ZNF423: variants seen among roughly 807,000 people sequenced by gnomAD.
The protein encoded by ZNF423 is zinc finger protein 423, also known as Ebf-associated zinc finger protein.
ZNF423 carries 12 observed loss-of-function variants against 95.8 expected under a neutral mutation model. The ratio of observed to expected loss-of-function variants is 0.13; its 90% confidence interval spans 0.08 to 0.20. The LOEUF (loss-of-function observed/expected upper bound fraction) is 0.20, where lower values mean the gene tolerates loss of function less well. Among genes scored for constraint, ZNF423 ranks in the 10% least tolerant of loss-of-function variants. ZNF423 has a pLI of 1.00. For synonymous variants in ZNF423, 749 were observed against 711.9 expected (o/e 1.05, Z -0.83); for missense variants, 1,316 against 1,737.1 (o/e 0.76, Z 4.31).
At chr16:49,783,974 A>AT (rs2034267415) in intron 2 of ZNF423, among the ~76,000 whole-genome samples, 1 of 151,800 alleles carries the variant, frequency 6.6e-6, no homozygotes, top group African/African-American at 2.4e-5. Context: ...AACTCAAAAA[A>AT]AAAAAAAAAG....
chr16:49,743,176 C>T (rs945273631), intron 2 of ZNF423, among the ~76,000 whole-genome samples: 5 of 152,196 alleles, frequency 3.3e-5, no homozygotes, highest in Non-Finnish European at 7.3e-5. Flanking sequence ...CGCAGCAGCA[C>T]TTTGCAGAAA....
chr16:49,799,227 G>C (rs1410743528), intron 1 of ZNF423, among the ~76,000 whole-genome samples: 10 of 152,140 alleles, frequency 6.6e-5, no homozygotes, highest in Admixed American at 6.5e-4. Flanking sequence ...GACCAAATGA[G>C]ATGATACCCC....
At chr16:49,627,144 A>C (rs1972314533) in intron 4 of ZNF423, among the ~76,000 whole-genome samples, 1 of 145,228 alleles carries the variant, frequency 6.9e-6, no homozygotes, top group Non-Finnish European at 1.5e-5. Context: ...ATACACACCC[A>C]CCTATCCACC....
At chr16:49,626,068 C>T in intron 5 of ZNF423, 102 bp downstream of exon 5, 1 of 1,142,878 alleles carries the variant, frequency 8.7e-7, no homozygotes, top group Non-Finnish European at 1.3e-6. Flanking sequence ...GCAGCAGTGA[C>T]TCTGTCCTTT....
chr16:49,633,840 C>T (rs1417924320), intron 4 of ZNF423, among the ~76,000 whole-genome samples: 1 of 152,140 alleles, frequency 6.6e-6, no homozygotes, highest in Non-Finnish European at 1.5e-5. Flanking sequence ...CCACTCCAGA[C>T]AGGACTTTGA....
rs1597067934 is a variant in ZNF423 at position 49,856,011 on chromosome 16, G to A, written c.-237C>T. The A allele has an allele frequency of 6.7e-6, 1 of 149,608 alleles. No individual in the cohort carries two copies. Among genetic ancestry groups the A allele is most frequent in the Middle Eastern group, 3.5e-3 (1 of 284 alleles). 9.3% of individuals were successfully genotyped at this position (149,608 alleles called of 1,614,324 possible). A position where few individuals can be genotyped will look rare whatever the true frequency, so the allele number is the denominator to read the frequency against. On this transcript the variant is annotated 5_prime_UTR_variant, in exon 1 of 8. Transcript: ENST00000563137. ...CGGGGGGAGGCCCGGGGGGCGCGCC[G>A]GGGCCCTGCCTGTTGCAATGCGGCA...
Position 49,491,228 on chromosome 16 carries a change from C to T in ZNF423, c.*47G>A, listed in dbSNP as rs1007586630. On this transcript the variant is annotated 3_prime_UTR_variant, in exon 8 of 8. Transcript: ENST00000563137. ...AATGTTCAAATGGCCCTCCCCACGG[C>T]GTCTCCGGCAAGCCTTCTGCGGAGA... 2.5e-6 allele frequency: 4 copies of T among 1,613,014 alleles called. No individual in the cohort carries two copies. The highest frequency in any genetic ancestry group is 2.5e-6 in the Non-Finnish European group (3 of 1,179,122).
intron 5 of ZNF423, among the ~76,000 whole-genome samples, chr16:49,604,007 C>T (rs1166781430): frequency 2.6e-5 from 4 of 152,210 alleles, no homozygotes; most frequent in Non-Finnish European, 5.9e-5. Context: ...ATAGCAGGAA[C>T]CCATTTGAGA....
intron 1 of ZNF423, among the ~76,000 whole-genome samples, chr16:49,791,500 T>C (rs1567344761): frequency 6.6e-6 from 1 of 152,188 alleles, no homozygotes; most frequent in Non-Finnish European, 1.5e-5. Flanking sequence ...CATGTAAATA[T>C]ATGGTGCTTC....
intron 5 of ZNF423, among the ~76,000 whole-genome samples, chr16:49,611,359 C>A (rs2151844320): frequency 6.6e-6 from 1 of 151,986 alleles, no homozygotes; most frequent in African/African-American, 2.4e-5. Context: ...GGCAGGAAAG[C>A]CTCCAAACAA....
intron 5 of ZNF423, among the ~76,000 whole-genome samples, chr16:49,536,806 C>A (rs1431191689): frequency 2.0e-5 from 3 of 152,210 alleles, no homozygotes; most frequent in Non-Finnish European, 4.4e-5. Flanking sequence ...GACTACCACT[C>A]TGGGTAGTAC....
intron 5 of ZNF423, among the ~76,000 whole-genome samples, chr16:49,622,793 C>G (rs1168314276): frequency 2.0e-5 from 3 of 152,190 alleles, no homozygotes; most frequent in South Asian, 2.1e-4. Flanking sequence ...CCTCATCTGT[C>G]AGATGGGGAA....
intron 5 of ZNF423, among the ~76,000 whole-genome samples, chr16:49,577,995 G>A (rs534547205): frequency 2.6e-5 from 4 of 152,344 alleles, no homozygotes; most frequent in East Asian, 3.9e-4. Context: ...GGAAGAAGGC[G>A]GCAGGGGGTG....
At chr16:49,856,751 T>G (rs1008668937), upstream of ZNF423, among the ~76,000 whole-genome samples, 1 of 146,016 alleles carries the variant, frequency 6.8e-6, no homozygotes, top group Non-Finnish European at 1.5e-5. Flanking sequence ...GCTCAGCCCG[T>G]GCGCCGGGCC....
intron 5 of ZNF423, among the ~76,000 whole-genome samples, chr16:49,549,426 A>T (rs935650652): frequency 1.3e-5 from 2 of 152,168 alleles, no homozygotes; most frequent in Admixed American, 6.5e-5. Context: ...GCTTAGGGGC[A>T]TGGGCTCCCC....
intron 3 of ZNF423, among the ~76,000 whole-genome samples, chr16:49,671,972 A>C (rs1241148566): frequency 2.0e-5 from 3 of 152,140 alleles, no homozygotes; most frequent in Non-Finnish European, 4.4e-5. Context: ...GGCGTGAGCC[A>C]CCGCGCTCAG....
At position 49,752,493 on chromosome 16, in the gene ZNF423, C is replaced by T. The variant is rs11862488; in HGVS notation, c.101-21522G>A. On this transcript the variant is annotated intron_variant, in intron 2 of 7. Transcript: ENST00000563137. ...CAGAGAACTCTAGCCCTGGATATCT[C>T]TCCAAGCCTCCTGTCCTTTTCAAAG... Among the ~76,000 whole-genome samples the T allele has an allele frequency of 5.3e-4, 81 of 152,322 alleles. 1 individual carries two copies. The highest frequency in any genetic ancestry group is 1.9e-3 in the African/African-American group (79 of 41,584).
intron 3 of ZNF423, among the ~76,000 whole-genome samples, chr16:49,652,791 T>C (rs1038405566): frequency 6.6e-6 from 1 of 152,198 alleles, no homozygotes; most frequent in Non-Finnish European, 1.5e-5. Context: ...TGCGCTCTAA[T>C]TACATGTAAA....
At chr16:49,651,097 T>G (rs1263751668) in intron 3 of ZNF423, among the ~76,000 whole-genome samples, 1 of 151,754 alleles carries the variant, frequency 6.6e-6, no homozygotes, top group Non-Finnish European at 1.5e-5. Context: ...CATGGCTCAC[T>G]GCAGACTCAA....
Sources: allele counts gnomAD v4.1 joint callset (sites outside exome capture counted in the v4.1 genomes callset), GRCh38; gene constraint gnomAD v4.1.1; transcripts MANE v1.5; gene names NCBI Gene and HGNC (gene_info 2026-07-23, HGNC 2026-07-21).